XKR4: variants seen among roughly 807,000 people sequenced by gnomAD.
The protein encoded by XKR4 is XK related 4.
Under a neutral mutation model 53.9 loss-of-function variants are expected in XKR4, and 12 were observed. The observed-to-expected ratio is 0.22, with a 90% confidence interval of 0.14 to 0.36. The LOEUF (loss-of-function observed/expected upper bound fraction) is 0.36. Ranked by LOEUF, XKR4 falls within the 10% of genes least tolerant of loss-of-function variation. The pLI is 1.00. For synonymous variants in XKR4, 354 were observed against 362.4 expected (o/e 0.98, Z 0.26); for missense variants, 799 against 859.5 (o/e 0.93, Z 0.88).
At chr8:55,426,704 T>C (rs575048179) in intron 2 of XKR4, among the ~76,000 whole-genome samples, 1 of 152,258 alleles carries the variant, frequency 6.6e-6, no homozygotes, top group East Asian at 1.9e-4. Context: ...GCTCTGATAT[T>C]TAGGATAAAT....
At chr8:55,489,110 C>T (rs747674022) in intron 2 of XKR4, among the ~76,000 whole-genome samples, 12 of 152,128 alleles carry the variant, frequency 7.9e-5, no homozygotes, top group Non-Finnish European at 1.6e-4. Flanking sequence ...GGATTTACAA[C>T]ACGAAGAGTA....
intron 1 of XKR4, among the ~76,000 whole-genome samples, chr8:55,353,146 A>G (rs1234324248): frequency 1.3e-5 from 2 of 152,210 alleles, no homozygotes; most frequent in African/African-American, 2.4e-5. Flanking sequence ...AGTGAACAAG[A>G]TCAAACACTG....
chr8:55,452,208 A>G, intron 2 of XKR4: 2 of 686,550 alleles, frequency 2.9e-6, no homozygotes, highest in South Asian at 3.6e-5. Context: ...ATCAAAGGCC[A>G]TTTTCAGCAG....
intron 1 of XKR4, among the ~76,000 whole-genome samples, chr8:55,289,518 A>G (rs1472752914): frequency 7.3e-6 from 1 of 136,990 alleles, no homozygotes; most frequent in African/African-American, 2.8e-5. Context: ...CTGTCTCAAA[A>G]AAAAAAAAAG....
At chr8:55,467,347 A>C (rs2929030) in intron 2 of XKR4, among the ~76,000 whole-genome samples, 64,001 of 151,896 alleles carry the variant, frequency 0.42, 13,988 homozygotes, top group East Asian at 0.53. Context: ...TCAAAGTCAA[A>C]TGATTAGGCA....
At chr8:55,349,817 T>C (rs186322596) in intron 1 of XKR4, among the ~76,000 whole-genome samples, 251 of 152,334 alleles carry the variant, frequency 1.6e-3, no homozygotes, top group African/African-American at 5.8e-3. Flanking sequence ...TAGTACAGTC[T>C]TTCTAGAGAA....
At chr8:55,300,268 T>C (rs1819169730) in intron 1 of XKR4, among the ~76,000 whole-genome samples, 1 of 152,032 alleles carries the variant, frequency 6.6e-6, no homozygotes, top group Non-Finnish European at 1.5e-5. Context: ...GCCTGAAAGA[T>C]GAGTGTTGGG....
In XKR4 at chr8:55,301,566, G is replaced by A. The variant is rs188752019; in HGVS notation, c.807-56112G>A. ...TCTAGTTCAAGATCCCTGAGGAATC[G>A]CCACACTGACTTCCACAATGGTGGA... On this transcript the variant is annotated intron_variant, in intron 1 of 2. Transcript: ENST00000327381. 2.9e-3 allele frequency among the ~76,000 whole-genome samples: 446 copies of A among 152,204 alleles called. 1 individual carries two copies. Among genetic ancestry groups the A allele is most frequent in the Non-Finnish European group, 5.0e-3 (339 of 68,010 alleles).
chr8:55,485,488 G>A (rs151111622), intron 2 of XKR4, among the ~76,000 whole-genome samples: 1 of 152,290 alleles, frequency 6.6e-6, no homozygotes, highest in East Asian at 1.9e-4. Flanking sequence ...ACTCTGAAAT[G>A]TAAAATATAA....
Position 55,533,073 on chromosome 8 carries a change from A to T in XKR4, c.*8846A>T, listed in dbSNP as rs1806977544. ...TCACATTAATTCATCAAGAAGTTCC[A>T]AAACACTACTAAATGTGTTGAAAAT... On this transcript the variant is annotated 3_prime_UTR_variant, in exon 3 of 3. Coordinates refer to ENST00000327381, the MANE Select transcript of XKR4 (RefSeq NM_052898.2). 6.6e-6 allele frequency: 1 copy of T among 152,240 alleles called. No individual in the cohort carries two copies. Among genetic ancestry groups the T allele is most frequent in the African/African-American group, 2.4e-5 (1 of 41,474 alleles). The allele number at this position is 152,240 out of a possible 1,614,324, so 9.4% of individuals were successfully genotyped here.
chr8:55,194,278 T>C (rs571522870), intron 1 of XKR4, among the ~76,000 whole-genome samples: 5 of 152,290 alleles, frequency 3.3e-5, no homozygotes, highest in Non-Finnish European at 7.4e-5. Context: ...TCCTGAAATA[T>C]TTTTGTCAGC....
At chr8:55,304,745 A>G (rs973874847) in intron 1 of XKR4, among the ~76,000 whole-genome samples, 1 of 152,126 alleles carries the variant, frequency 6.6e-6, no homozygotes, top group African/African-American at 2.4e-5. Flanking sequence ...CTTTACCATT[A>G]TGTAATGGCC....
In XKR4 at chr8:55,103,123, C is replaced by A; in HGVS notation, c.635C>A (p.Pro212Gln). The part of the protein sequence containing the change: ...AGEGEARPST[P>Q]QRQASNASKS... Reference sequence around the variant, plus strand: ...GAAGGCGAGGCTCGTCCTTCCACGCCGCAAAGGCAAGCATCTAACGCCAGC... The same window carrying A: ...GAAGGCGAGGCTCGTCCTTCCACGCAGCAAAGGCAAGCATCTAACGCCAGC... Residue 212 changes from proline (P) to glutamine (Q), a missense_variant, in exon 1 of 3, where the codon CCG becomes CAG. Transcript: ENST00000327381. The A allele has an allele frequency of 6.2e-7, 1 of 1,613,640 alleles. No individual in the cohort carries two copies. The highest frequency in any genetic ancestry group is 1.1e-5 in the South Asian group (1 of 91,082).
At chr8:55,254,704 C>A (rs1035991651) in intron 1 of XKR4, among the ~76,000 whole-genome samples, 2 of 152,176 alleles carry the variant, frequency 1.3e-5, no homozygotes, top group Non-Finnish European at 2.9e-5. Flanking sequence ...CCTAGAACCG[C>A]ATGCTCTCTA....
At chr8:55,489,693 T>G (rs2129402026) in intron 2 of XKR4, among the ~76,000 whole-genome samples, 1 of 152,254 alleles carries the variant, frequency 6.6e-6, no homozygotes, top group South Asian at 2.1e-4. Flanking sequence ...TAAAATGAAT[T>G]ATTTAAACAT....
At chr8:55,294,338 C>T (rs574731105) in intron 1 of XKR4, among the ~76,000 whole-genome samples, 1 of 152,338 alleles carries the variant, frequency 6.6e-6, no homozygotes, top group South Asian at 2.1e-4. Flanking sequence ...CAACTACTCC[C>T]ATCTTGATCA....
chr8:55,450,192 G>A (rs745567832), intron 2 of XKR4: 4 of 663,296 alleles, frequency 6.0e-6, no homozygotes, highest in Non-Finnish European at 1.1e-5. Context: ...AGCTGTGGTA[G>A]CAGGGCCACA....
intron 2 of XKR4, among the ~76,000 whole-genome samples, chr8:55,505,295 A>C (rs946782918): frequency 4.6e-5 from 7 of 152,036 alleles, no homozygotes; most frequent in Non-Finnish European, 1.0e-4. Context: ...ATATTTTATA[A>C]TTTCCCTTGT....
At chr8:55,104,737 TG>T in intron 1 of XKR4, among the ~76,000 whole-genome samples, 1 of 46,536 alleles carries the variant, frequency 2.1e-5, no homozygotes, top group African/African-American at 7.5e-5. Flanking sequence ...TCAGACAAAT[TG>T]ATGTTGGAAC....
Sources: gnomAD v4.1 joint callset for allele counts (sites outside exome capture counted in the v4.1 genomes callset) on GRCh38, gnomAD v4.1.1 for gene constraint, MANE v1.5 for transcripts, NCBI Gene and HGNC (gene_info 2026-07-23, HGNC 2026-07-21) for gene names.